The following DNM1L variants were observed in gnomAD, a reference collection of about 807,000 sequenced individuals.
DNM1L encodes the protein dynamin 1L, also known as dynamin-1-like protein.
In DNM1L, 33 loss-of-function variants were observed where a neutral mutation model predicts 92.8. The observed-to-expected ratio is 0.36, with a 90% CI of 0.27 to 0.48. The LOEUF is 0.48. DNM1L is among the 20% of genes least tolerant of loss of function. The pLI is 0.99. For missense variants in DNM1L, 485 were observed against 888.8 expected, an observed-to-expected ratio of 0.55 and a Z score of 5.78; for synonymous variants, 284 against 305.0, an observed-to-expected ratio of 0.93 and a Z score of 0.72.
At chr12:32,706,859 G>A in intron 2 of DNM1L, 1 of 349,228 alleles carries the variant, frequency 2.9e-6, no homozygotes, top group East Asian at 7.6e-5. Flanking sequence ...TGAAGAATTA[G>A]CTGTTTCATT....
At chr12:32,680,831 C>T (rs896696592) in intron 1 of DNM1L, among the ~76,000 whole-genome samples, 7 of 152,120 alleles carry the variant, frequency 4.6e-5, no homozygotes, top group Non-Finnish European at 8.8e-5. Flanking sequence ...TCAAAACTAA[C>T]CTGTTTTTGT....
chr12:32,679,500 C>A (rs759025359), intron 1 of DNM1L, 35 bp downstream of exon 1: 2 of 1,583,030 alleles, frequency 1.3e-6, no homozygotes, highest in South Asian at 2.2e-5. Flanking sequence ...TCGGGCCAGA[C>A]CCCGGCCGCA....
intron 2 of DNM1L, among the ~76,000 whole-genome samples, chr12:32,703,171 C>G (rs1952782885): frequency 6.6e-6 from 1 of 151,390 alleles, no homozygotes; most frequent in African/African-American, 2.4e-5. Context: ...TAAAATTGTG[C>G]TTGTTAGAAA....
chr12:32,696,739 C>T (rs1952484320), intron 1 of DNM1L, among the ~76,000 whole-genome samples: 1 of 151,510 alleles, frequency 6.6e-6, no homozygotes, highest in Non-Finnish European at 1.5e-5. Flanking sequence ...ATTATCCTAC[C>T]TCAGCCTCCT....
At chr12:32,679,752 G>C (rs887456524) in intron 1 of DNM1L, 1 of 1,102,370 alleles carries the variant, frequency 9.1e-7, no homozygotes, top group African/African-American at 1.6e-5. Flanking sequence ...GGAAGGATGG[G>C]GCCGGCGGGC....
intron 9 of DNM1L, among the ~76,000 whole-genome samples, chr12:32,730,225 A>G (rs1592659266): frequency 1.3e-5 from 2 of 152,226 alleles, no homozygotes; most frequent in Non-Finnish European, 1.5e-5. Context: ...TTAGGTGGGC[A>G]TGGTGGCACA....
At chr12:32,696,409 C>CACAA (rs1201567891) in intron 1 of DNM1L, among the ~76,000 whole-genome samples, 2 of 151,116 alleles carry the variant, frequency 1.3e-5, no homozygotes, top group Non-Finnish European at 3.0e-5. Flanking sequence ...CACACACACA[C>CACAA]ACACACAATA....
At chr12:32,705,709 A>G in intron 2 of DNM1L, 1 of 920,230 alleles carries the variant, frequency 1.1e-6, no homozygotes. Context: ...TGAATAATTG[A>G]ATGCTATGTG....
intron 9 of DNM1L, among the ~76,000 whole-genome samples, chr12:32,724,931 A>G (rs891485259): frequency 6.6e-6 from 1 of 152,054 alleles, no homozygotes; most frequent in African/African-American, 2.4e-5. Context: ...CATAGTAAAC[A>G]GAAGCATGGG....
intron 12 of DNM1L, chr12:32,732,449 A>G: frequency 2.2e-6 from 1 of 449,574 alleles, no homozygotes; most frequent in South Asian, 1.6e-5. Context: ...AAATTGGCAG[A>G]AATATGGGAT....
rs1326741493 is a variant in DNM1L, at chr12:32,744,678, ACTCCAG to A, written c.*1270_*1275del. Reference sequence around the variant, plus strand: ...TGGTGAGCTAAGATCGTGCCATTGCACTCCAGCCTTGGCAACAAGAGCGAAACTCCG... The same window carrying A: ...TGGTGAGCTAAGATCGTGCCATTGCACCTTGGCAACAAGAGCGAAACTCCG... On this transcript the variant is annotated 3_prime_UTR_variant, in exon 20 of 20. Transcript: ENST00000549701. The A allele has an allele frequency of 2.9e-6, 1 of 349,800 alleles. No individual in the cohort carries two copies. The highest frequency in any genetic ancestry group is 2.2e-5 in the African/African-American group (1 of 45,264). 21.7% of individuals were successfully genotyped at this position (349,800 alleles called of 1,614,324 possible).
At chr12:32,705,863 G>A (rs1253297604) in intron 2 of DNM1L, 2 of 1,597,732 alleles carry the variant, frequency 1.3e-6, no homozygotes, top group Admixed American at 3.3e-5. Context: ...CCTTTCTAAA[G>A]GTTTCCTTTA....
intron 1 of DNM1L, among the ~76,000 whole-genome samples, chr12:32,688,639 T>G (rs1952116612): frequency 6.6e-6 from 1 of 152,226 alleles, no homozygotes; most frequent in South Asian, 2.1e-4. Flanking sequence ...TATCTCAATG[T>G]GTGTATTTCT....
intron 18 of DNM1L, among the ~76,000 whole-genome samples, chr12:32,742,326 ACTC>A: frequency 6.6e-6 from 1 of 152,002 alleles, no homozygotes; most frequent in Non-Finnish European, 1.5e-5. Context: ...CTGCTGTCAA[ACTC>A]CTGGCCTCAA....
intron 13 of DNM1L, among the ~76,000 whole-genome samples, chr12:32,734,980 A>C (rs1205387084): frequency 6.6e-6 from 1 of 152,218 alleles, no homozygotes; most frequent in Non-Finnish European, 1.5e-5. Context: ...TCCAAAATGC[A>C]TACATGAGTA....
intron 4 of DNM1L, 29 bp downstream of exon 4, chr12:32,708,253 TA>T: frequency 7.6e-7 from 1 of 1,324,068 alleles, no homozygotes; most frequent in South Asian, 1.2e-5. Flanking sequence ...CTAGAAGGCA[TA>T]AGCATCAGTA....
intron 2 of DNM1L, chr12:32,705,511 A>G (rs1263686217): frequency 7.9e-6 from 2 of 251,640 alleles, no homozygotes; most frequent in East Asian, 1.7e-4. Flanking sequence ...CAAGCCAGAT[A>G]TAACTAATTA....
At position 32,725,073 on chromosome 12, in the gene DNM1L, A is replaced by G. The variant is rs549243659; in HGVS notation, c.1079+2440A>G. Among the ~76,000 whole-genome samples, 148 of 146,780 alleles carry G rather than the reference A, an allele frequency of 1.0e-3. 1 individual carries two copies. Among genetic ancestry groups the G allele is most frequent in the South Asian group, 4.3e-3 (20 of 4,694 alleles). On this transcript the variant is annotated intron_variant, in intron 9 of 19. Coordinates refer to ENST00000549701, the MANE Select transcript of DNM1L (RefSeq NM_012062.5). ...TTTTTAAAGCATCGTATCACTGAAG[A>G]TTTTCTTCTTCTTCTTCTTTTTTTT...
chr12:32,717,449 CT>C (rs1953506622), intron 6 of DNM1L, among the ~76,000 whole-genome samples: 11 of 50,956 alleles, frequency 2.2e-4, no homozygotes, highest in African/African-American at 1.2e-3. Context: ...TAAATATATA[CT>C]ATATATATTT....
Sources: allele counts gnomAD v4.1 joint callset (sites outside exome capture counted in the v4.1 genomes callset), GRCh38; gene constraint gnomAD v4.1.1; transcripts MANE v1.5; gene names NCBI Gene and HGNC (gene_info 2026-07-23, HGNC 2026-07-21).